The following PLXNA4 variants were observed in gnomAD, a reference collection of about 807,000 sequenced individuals.
PLXNA4 encodes plexin A4.
Under a neutral mutation model 191.8 loss-of-function variants are expected in PLXNA4, and 44 were observed. That is an observed-to-expected ratio of 0.23 (90% CI 0.18 to 0.29). The LOEUF (loss-of-function observed/expected upper bound fraction) is 0.29, where lower values mean the gene tolerates loss of function less well. PLXNA4 is among the 10% of genes least tolerant of loss of function. The pLI is 1.00. For missense variants in PLXNA4, 1,800 were observed against 2,488.8 expected (o/e 0.72, Z 5.89); for synonymous variants, 1,082 against 1,009.5 (o/e 1.07, Z -1.36).
intron 31 of PLXNA4, among the ~76,000 whole-genome samples, chr7:132,132,099 C>T (rs1211134645): frequency 6.6e-6 from 1 of 152,228 alleles, no homozygotes; most frequent in African/African-American, 2.4e-5. Flanking sequence ...ATGGCCAGAC[C>T]CATGGCAAGA....
At position 132,514,269 on chromosome 7, in the gene PLXNA4, T is replaced by A. The variant is rs531946179; in HGVS notation, c.-86-5490A>T. ...GGTTTCACCATGTTAGCCAGGATGG[T>A]CTCGATCTCCTGACCTCATGATCCG... On this transcript the variant is annotated intron_variant, in intron 1 of 31. Transcript: ENST00000321063. Among the ~76,000 whole-genome samples the A allele has an allele frequency of 7.2e-5, 11 of 151,756 alleles. 1 individual carries two copies. In the South Asian group the frequency reaches 2.3e-3, roughly 32 times the overall value.
At chr7:132,248,536 G>A (rs760210576) in intron 4 of PLXNA4, among the ~76,000 whole-genome samples, 2 of 152,168 alleles carry the variant, frequency 1.3e-5, no homozygotes, top group African/African-American at 2.4e-5. Context: ...TTGCAGTGTG[G>A]TAGCTTCTTA....
intron 3 of PLXNA4, among the ~76,000 whole-genome samples, chr7:132,353,651 CA>C (rs1803580353): frequency 2.0e-5 from 3 of 152,120 alleles, no homozygotes; most frequent in Admixed American, 2.0e-4. Context: ...CAAAAAAACA[CA>C]AGCATGATTT....
intron 3 of PLXNA4, among the ~76,000 whole-genome samples, chr7:132,391,956 A>G (rs370548135): frequency 3.3e-5 from 5 of 152,182 alleles, no homozygotes; most frequent in African/African-American, 9.6e-5. Flanking sequence ...GTGAAACCCC[A>G]TCTCTACTAA....
At chr7:132,480,466 C>T (rs1221960604) in intron 3 of PLXNA4, among the ~76,000 whole-genome samples, 1 of 152,164 alleles carries the variant, frequency 6.6e-6, no homozygotes, top group Non-Finnish European at 1.5e-5. Context: ...AGACAGGGAC[C>T]GTGGATAACC....
intron 3 of PLXNA4, among the ~76,000 whole-genome samples, chr7:132,338,775 A>G (rs112412445): frequency 3.9e-5 from 6 of 152,174 alleles, no homozygotes; most frequent in Non-Finnish European, 5.9e-5. Flanking sequence ...CCTGCCCTCA[A>G]ATAATAACTG....
At chr7:132,608,690 A>C (rs1585402486) in intron 2 of PLXNA4, among the ~76,000 whole-genome samples, 1 of 144,776 alleles carries the variant, frequency 6.9e-6, no homozygotes, top group Non-Finnish European at 1.5e-5. Flanking sequence ...AGCATCCCCC[A>C]CCCCCGCACT....
At chr7:132,504,241 C>T (rs1212527296) in intron 2 of PLXNA4, among the ~76,000 whole-genome samples, 1 of 152,246 alleles carries the variant, frequency 6.6e-6, no homozygotes, top group Non-Finnish European at 1.5e-5. Flanking sequence ...GTGCGGTCCT[C>T]AGGCTCTGGC....
chr7:132,339,681 C>T (rs1334468791), intron 3 of PLXNA4, among the ~76,000 whole-genome samples: 2 of 152,172 alleles, frequency 1.3e-5, no homozygotes, highest in Non-Finnish European at 2.9e-5. Flanking sequence ...CTCCTTGCCC[C>T]ACCCTGGATA....
At chr7:132,204,825 G>A (rs1314183664) in intron 10 of PLXNA4, among the ~76,000 whole-genome samples, 1 of 152,212 alleles carries the variant, frequency 6.6e-6, no homozygotes, top group African/African-American at 2.4e-5. Context: ...CTAAATTCCT[G>A]AGTTACGGAA....
intron 1 of PLXNA4, among the ~76,000 whole-genome samples, chr7:132,563,496 C>T (rs1801475334): frequency 1.3e-5 from 1 of 77,226 alleles, no homozygotes; most frequent in Non-Finnish European, 2.7e-5. Context: ...CCTCCTCCTT[C>T]TCCTCCTCCT....
intron 16 of PLXNA4, among the ~76,000 whole-genome samples, chr7:132,184,288 T>A (rs1366420866): frequency 6.6e-6 from 1 of 152,166 alleles, no homozygotes; most frequent in Non-Finnish European, 1.5e-5. Context: ...CAGCTGCCTA[T>A]GAGAGTGGAC....
At chr7:132,561,904 TCTC>T (rs1457009696) in intron 1 of PLXNA4, among the ~76,000 whole-genome samples, 1 of 64,256 alleles carries the variant, frequency 1.6e-5, no homozygotes, top group African/African-American at 6.2e-5. Flanking sequence ...TCCTTCTCCT[TCTC>T]CTCCTTATCC....
chr7:132,420,696 C>G (rs1794819299), intron 3 of PLXNA4, among the ~76,000 whole-genome samples: 1 of 152,210 alleles, frequency 6.6e-6, no homozygotes. Flanking sequence ...TGTCCCCACT[C>G]AAATCTCATC....
chr7:132,362,614 G>A (rs949918654), intron 3 of PLXNA4, among the ~76,000 whole-genome samples: 1 of 152,136 alleles, frequency 6.6e-6, no homozygotes, highest in Non-Finnish European at 1.5e-5. Context: ...ATAGTGACCC[G>A]TTAACTGATG....
chr7:132,355,922 T>G (rs1319289116), intron 3 of PLXNA4, among the ~76,000 whole-genome samples: 1 of 152,000 alleles, frequency 6.6e-6, no homozygotes, highest in East Asian at 1.9e-4. Context: ...ATTTCTATAG[T>G]AGGACAAGGC....
intron 8 of PLXNA4, among the ~76,000 whole-genome samples, chr7:132,224,569 C>T (rs746515489): frequency 6.6e-6 from 1 of 152,168 alleles, no homozygotes; most frequent in Non-Finnish European, 1.5e-5. Flanking sequence ...GTCTAATGAG[C>T]AACACATTCC....
rs1184422025 is a variant in PLXNA4, at chr7:132,128,398, C to T, written c.*2081G>A. On this transcript the variant is annotated 3_prime_UTR_variant, in exon 32 of 32. Transcript: ENST00000321063. ...GTCACATGATGCCCTGTTCCAAGGT[C>T]CAGGCCTCGGCAGGCGACCACCCTG... is the stretch of plus-strand genomic sequence containing the variant. 6.6e-6 allele frequency: 1 copy of T among 152,186 alleles called. No individual in the cohort carries two copies. Among genetic ancestry groups the T allele is most frequent in the Non-Finnish European group, 1.5e-5 (1 of 68,048 alleles). The allele number at this position is 152,186 out of a possible 1,614,324, so 9.4% of individuals were successfully genotyped here.
At chr7:132,221,880 G>T (rs1308175266) in intron 9 of PLXNA4, among the ~76,000 whole-genome samples, 1 of 152,124 alleles carries the variant, frequency 6.6e-6, no homozygotes, top group Non-Finnish European at 1.5e-5. Context: ...AAACTTGCAA[G>T]GAACTTCATG....
Sources: gnomAD v4.1 joint callset for allele counts (sites outside exome capture counted in the v4.1 genomes callset) on GRCh38, gnomAD v4.1.1 for gene constraint, MANE v1.5 for transcripts, NCBI Gene and HGNC (gene_info 2026-07-23, HGNC 2026-07-21) for gene names.